The following GABRA4 variants were observed in gnomAD, a reference collection of about 807,000 sequenced individuals.
The protein encoded by GABRA4 is gamma-aminobutyric acid receptor subunit alpha-4.
In GABRA4, 12 loss-of-function variants were observed where a neutral mutation model predicts 49.7. That is an observed-to-expected ratio of 0.24 (90% CI 0.15 to 0.39). The LOEUF (loss-of-function observed/expected upper bound fraction) is 0.39. GABRA4 is among the 10% of genes least tolerant of loss of function. The probability of loss-of-function intolerance (pLI) is 1.00; values close to 1 mark genes in which losing one functional copy is unlikely to be tolerated. For missense variants in GABRA4, 506 were observed against 686.0 expected, an observed-to-expected ratio of 0.74 and a Z score of 2.93; for synonymous variants, 288 against 240.2, an observed-to-expected ratio of 1.20 and a Z score of -1.84.
At position 46,993,455 on chromosome 4, in the gene GABRA4, C is replaced by G; in HGVS notation, c.-31G>C. 1 of 1,609,318 alleles carries G rather than the reference C, an allele frequency of 6.2e-7. No homozygotes were observed. The highest frequency in any genetic ancestry group is 1.3e-5 in the African/African-American group (1 of 74,980). On this transcript the variant is annotated 5_prime_UTR_variant, in exon 1 of 9. Transcript: ENST00000264318. Reference sequence around the variant, plus strand: ...CAACATGCCATACTTCAAGCCTGTTCACGTTTCCAGGCTCTTCAGATGCCC... The same window carrying G: ...CAACATGCCATACTTCAAGCCTGTTGACGTTTCCAGGCTCTTCAGATGCCC...
At chr4:46,977,345 GAAGAA>G in intron 4 of GABRA4, 60 bp downstream of exon 4, 1 of 909,230 alleles carries the variant, frequency 1.1e-6, no homozygotes, top group Non-Finnish European at 1.6e-6. Context: ...AGGAAGGAAG[GAAGAA>G]AGGAAAGGAA....
At chr4:46,961,552 CG>C (rs528833123) in intron 8 of GABRA4, among the ~76,000 whole-genome samples, 432 of 151,862 alleles carry the variant, frequency 2.8e-3, no homozygotes, top group Non-Finnish European at 4.3e-3. Flanking sequence ...AACAGGAAAT[CG>C]GGCACAAAGT....
chr4:46,959,189 T>A (rs920457174), intron 8 of GABRA4, among the ~76,000 whole-genome samples: 1 of 151,946 alleles, frequency 6.6e-6, no homozygotes. Flanking sequence ...TTTAAAGTTG[T>A]ACTTGATACT....
rs1475088776 is a variant in GABRA4 at position 46,925,776 on chromosome 4, G to C, written c.*2449C>G. 7.0e-6 allele frequency: 1 copy of C among 141,902 alleles called. No homozygotes were observed. Among genetic ancestry groups the C allele is most frequent in the Non-Finnish European group, 1.5e-5 (1 of 65,268 alleles). The allele number at this position is 141,902 out of a possible 1,614,324, so 8.8% of individuals were successfully genotyped here. A position where few individuals can be genotyped will look rare whatever the true frequency, so the allele number is the denominator to read the frequency against. ...TATTATTATCATCATTATTATCATT[G>C]TGTGCAAATGAAATAATTTATTTTA... On this transcript the variant is annotated 3_prime_UTR_variant, in exon 9 of 9. Transcript: ENST00000264318.
chr4:46,973,393 A>G (rs895758204), intron 6 of GABRA4, among the ~76,000 whole-genome samples: 2 of 151,720 alleles, frequency 1.3e-5, no homozygotes, highest in Non-Finnish European at 2.9e-5. Context: ...GTGAGGACTT[A>G]TTCATAGAAG....
At chr4:46,937,676 T>C (rs920638629) in intron 8 of GABRA4, among the ~76,000 whole-genome samples, 3 of 152,172 alleles carry the variant, frequency 2.0e-5, no homozygotes, top group Non-Finnish European at 4.4e-5. Flanking sequence ...GAAAATACTT[T>C]CACACCCACT....
At chr4:46,970,117 C>A (rs1722898225) in intron 7 of GABRA4, among the ~76,000 whole-genome samples, 1 of 151,166 alleles carries the variant, frequency 6.6e-6, no homozygotes, top group Non-Finnish European at 1.5e-5. Context: ...ACTAAGACAC[C>A]CTAATCAATA....
At chr4:46,953,219 G>A (rs934061843) in intron 8 of GABRA4, among the ~76,000 whole-genome samples, 1 of 151,920 alleles carries the variant, frequency 6.6e-6, no homozygotes, top group African/African-American at 2.4e-5. Flanking sequence ...ATCTGCTGAC[G>A]ATCAATAAAA....
rs1722709783 is a variant in GABRA4, at chr4:46,965,136, A to C, written c.968T>G (p.Ile323Arg). 6.2e-7 allele frequency: 1 copy of C among 1,612,088 alleles called. No individual in the cohort carries two copies. Among genetic ancestry groups the C allele is most frequent in the African/African-American group, 1.3e-5 (1 of 74,726 alleles). ...VSYATAMDWFIAVCFAFVFSA... is the reference protein window; with the variant it reads ...VSYATAMDWFRAVCFAFVFSA... ...AAATACAAAAGCAAAGCAGACAGCT[A>C]TGAACCAGTCCATGGCGGTAGCATA... Residue 323 changes from isoleucine (I) to arginine (R), a missense_variant, in exon 8 of 9, where the codon ATA (isoleucine) becomes AGA (arginine). Transcript: ENST00000264318.
In GABRA4 at chr4:46,928,167, AT is replaced by A. The variant is rs1721298305; in HGVS notation, c.*57del. 7.4e-7 allele frequency: 1 copy of A among 1,357,912 alleles called. No individual in the cohort carries two copies. Among genetic ancestry groups the A allele is most frequent in the Non-Finnish European group, 1.0e-6 (1 of 1,001,372 alleles). The allele number at this position is 1,357,912 out of a possible 1,614,324, so 84.1% of individuals were successfully genotyped here. ...AGAATATTTGTTTATATTTAAAAAC[AT>A]TTAAAAAGACATTCTGCATTTTCAT... On this transcript the variant is annotated 3_prime_UTR_variant, in exon 9 of 9. Transcript: ENST00000264318.
intron 2 of GABRA4, among the ~76,000 whole-genome samples, chr4:46,980,133 G>C (rs963115082): frequency 2.0e-5 from 3 of 152,072 alleles, no homozygotes; most frequent in Admixed American, 2.0e-4. Context: ...TAAGTCATTT[G>C]TCCCAGTCTC....
Position 46,928,045 on chromosome 4 carries a change from AC to A in GABRA4, c.*179del, listed in dbSNP as rs530560055. On this transcript the variant is annotated 3_prime_UTR_variant, in exon 9 of 9. Transcript: ENST00000264318. ...TTTAAAATAATTTTTCTGAAAAAAA[AC>A]ATAGTTCACTTTTTCACTCAGGAAT... 2.9e-3 allele frequency: 1,563 copies of A among 547,276 alleles called. 4 individuals are homozygous for A. The highest frequency in any genetic ancestry group is 5.0e-3 in the Middle Eastern group (10 of 2,002). 33.9% of individuals were successfully genotyped at this position (547,276 alleles called of 1,614,324 possible).
intron 8 of GABRA4, among the ~76,000 whole-genome samples, chr4:46,948,826 A>G (rs541697850): frequency 4.2e-4 from 64 of 152,222 alleles, no homozygotes; most frequent in Admixed American, 1.5e-3. Flanking sequence ...GCTAGATCCC[A>G]GCAGGTGGAA....
intron 8 of GABRA4, among the ~76,000 whole-genome samples, chr4:46,959,442 A>G (rs1483417453): frequency 1.3e-5 from 2 of 152,016 alleles, no homozygotes; most frequent in Non-Finnish European, 2.9e-5. Context: ...ATTAAATGGT[A>G]TAATCCTATG....
At chr4:46,964,854 T>G in intron 8 of GABRA4, 116 bp downstream of exon 8, 1 of 1,138,128 alleles carries the variant, frequency 8.8e-7, no homozygotes. Context: ...TTTCTGTATT[T>G]TTAAATGACT....
At chr4:46,974,014 A>T (rs1272563430) in intron 6 of GABRA4, among the ~76,000 whole-genome samples, 3 of 151,888 alleles carry the variant, frequency 2.0e-5, no homozygotes, top group African/African-American at 4.8e-5. Flanking sequence ...TAAGAAAACC[A>T]ACTCACTTTT....
At chr4:46,941,648 A>G (rs1051201652) in intron 8 of GABRA4, among the ~76,000 whole-genome samples, 2 of 152,158 alleles carry the variant, frequency 1.3e-5, no homozygotes, top group Non-Finnish European at 2.9e-5. Context: ...GAACTAAATG[A>G]TAATAGTGTA....
intron 2 of GABRA4, among the ~76,000 whole-genome samples, chr4:46,984,266 C>T (rs1360263144): frequency 2.0e-5 from 3 of 152,042 alleles, no homozygotes; most frequent in Non-Finnish European, 4.4e-5. Flanking sequence ...TCCATGCATC[C>T]ACCATCATCT....
Position 46,977,209 on chromosome 4 carries a change from A to G in GABRA4, c.495-66T>C, listed in dbSNP as rs1233109352. On this transcript the variant is annotated intron_variant, in intron 4 of 8. Coordinates refer to ENST00000264318, the MANE Select transcript of GABRA4 (RefSeq NM_000809.4). The stretch of plus-strand genomic sequence containing the variant: ...AAGAATAATTGTGACTTTAGATTCT[A>G]AAATAGGAAGGAAGGGAGGGAAGGA... 4.5e-6 allele frequency: 5 copies of G among 1,105,638 alleles called. No homozygotes were observed. The African/African-American group carries it at 4.8e-5, about 11-fold the overall frequency. 68.5% of individuals were successfully genotyped at this position (1,105,638 alleles called of 1,614,324 possible).
Sources: allele counts gnomAD v4.1 joint callset (sites outside exome capture counted in the v4.1 genomes callset), GRCh38; gene constraint gnomAD v4.1.1; transcripts MANE v1.5; gene names NCBI Gene and HGNC (gene_info 2026-07-23, HGNC 2026-07-21).